Variants in RBP2 observed in about 807,000 individuals in gnomAD.
RBP2 encodes retinol-binding protein 2.
Under a neutral mutation model 17.0 loss-of-function variants are expected in RBP2, and 17 were observed. That is an observed-to-expected ratio of 1.00 (90% confidence interval 0.68 to 1.50). The LOEUF is 1.50. RBP2 is among the 40% of genes most tolerant of loss of function. RBP2 has a pLI of 0.00. For missense variants in RBP2, 158 were observed against 168.2 expected, an observed-to-expected ratio of 0.94 and a Z score of 0.33; for synonymous variants, 48 against 57.1, an observed-to-expected ratio of 0.84 and a Z score of 0.72.
At chr3:139,461,704 A>C (rs904897337) in intron 2 of RBP2, among the ~76,000 whole-genome samples, 2 of 152,192 alleles carry the variant, frequency 1.3e-5, no homozygotes. Flanking sequence ...TCTCCTAAAA[A>C]AAATCTGGCA....
At chr3:139,456,745 A>T (rs1932981927) in intron 2 of RBP2, among the ~76,000 whole-genome samples, 1 of 152,160 alleles carries the variant, frequency 6.6e-6, no homozygotes, top group African/African-American at 2.4e-5. Flanking sequence ...ATTTTTTTTA[A>T]CCATCTGCAT....
intron 2 of RBP2, among the ~76,000 whole-genome samples, chr3:139,457,173 GCA>G (rs1373269645): frequency 6.6e-6 from 1 of 152,218 alleles, no homozygotes; most frequent in Non-Finnish European, 1.5e-5. Context: ...ACCAGACTCA[GCA>G]CAGTGATCAG....
At chr3:139,464,316 G>A (rs989525749) in intron 1 of RBP2, among the ~76,000 whole-genome samples, 2 of 152,062 alleles carry the variant, frequency 1.3e-5, no homozygotes, top group Non-Finnish European at 1.5e-5. Context: ...AAAATTATTC[G>A]GGCATGATGG....
chr3:139,461,922 C>T (rs982871163), intron 2 of RBP2, among the ~76,000 whole-genome samples, 190 bp downstream of exon 2: 2 of 152,234 alleles, frequency 1.3e-5, no homozygotes, highest in Non-Finnish European at 2.9e-5. Flanking sequence ...AGCTCTTAAT[C>T]TCTCCTAGGC....
intron 2 of RBP2, among the ~76,000 whole-genome samples, chr3:139,460,161 GATT>G (rs1440263012): frequency 3.9e-5 from 6 of 152,334 alleles, no homozygotes; most frequent in Admixed American, 3.3e-4. Context: ...ATTTTGCACT[GATT>G]GGGTTGGAAC....
intron 1 of RBP2, among the ~76,000 whole-genome samples, chr3:139,465,575 G>T (rs901834078): frequency 2.6e-5 from 4 of 152,104 alleles, no homozygotes; most frequent in African/African-American, 9.7e-5. Context: ...CCAAGCTCTG[G>T]GGTAGCCCAG....
At position 139,453,108 on chromosome 3, in the gene RBP2, C is replaced by T. The variant is rs774834412; in HGVS notation, c.*8G>A. On this transcript the variant is annotated 3_prime_UTR_variant, in exon 4 of 4. Transcript: ENST00000232217. ...GAGCTTGTGCTTGGCAGGCCTCCCA[C>T]GTCGCCATCATTTCTTTTTGAACAC... 40 of 1,614,030 alleles carry T rather than the reference C, an allele frequency of 2.5e-5. No individual in the cohort carries two copies. In the South Asian group the frequency reaches 2.5e-4, roughly 10 times the overall value.
chr3:139,453,207 C>T (rs368873646), intron 3 of RBP2, 41 bp from the exon 4 acceptor site: 2 of 1,611,616 alleles, frequency 1.2e-6, no homozygotes, highest in African/African-American at 1.3e-5. Flanking sequence ...ACAAGCCAGG[C>T]CTTTCTTCTG....
intron 2 of RBP2, among the ~76,000 whole-genome samples, chr3:139,457,234 C>G (rs1933002592): frequency 6.6e-6 from 1 of 152,220 alleles, no homozygotes; most frequent in African/African-American, 2.4e-5. Context: ...TGAAGTAAAT[C>G]CATTTGCTTC....
intron 1 of RBP2, among the ~76,000 whole-genome samples, chr3:139,474,640 A>G (rs1275041808): frequency 6.6e-6 from 1 of 152,200 alleles, no homozygotes; most frequent in African/African-American, 2.4e-5. Context: ...ATCTGGAGGG[A>G]CAGGCAAGGC....
At chr3:139,454,659 A>AGGGC (rs2107864275) in intron 3 of RBP2, 70 bp downstream of exon 3, 1 of 1,476,722 alleles carries the variant, frequency 6.8e-7, no homozygotes, top group East Asian at 2.3e-5. Context: ...TTGTCAAAAC[A>AGGGC]CCTGGCTAGG....
chr3:139,453,667 G>A (rs892806028), intron 3 of RBP2, among the ~76,000 whole-genome samples: 7 of 152,304 alleles, frequency 4.6e-5, no homozygotes, highest in Admixed American at 3.3e-4. Context: ...CTGTGCAGCC[G>A]ACAAGGTCCC....
intron 1 of RBP2, among the ~76,000 whole-genome samples, chr3:139,474,958 C>A (rs1933685185): frequency 6.6e-6 from 1 of 152,014 alleles, no homozygotes. Context: ...CTCCTCCCAA[C>A]TATATTGAGG....
intron 1 of RBP2, among the ~76,000 whole-genome samples, chr3:139,472,630 G>A (rs1443836550): frequency 6.6e-6 from 1 of 152,212 alleles, no homozygotes; most frequent in Non-Finnish European, 1.5e-5. Context: ...ATGCATATGA[G>A]TAAGGAAGCC....
At chr3:139,456,258 G>GT (rs1415982386) in intron 2 of RBP2, among the ~76,000 whole-genome samples, 28 of 152,052 alleles carry the variant, frequency 1.8e-4, no homozygotes, top group Non-Finnish European at 3.1e-4. Context: ...CTGACCTGTG[G>GT]TTTTTTCCCC....
In RBP2 at chr3:139,453,062, C is replaced by A; in HGVS notation, c.*54G>T. ...ACAGCTGTTTCTCAAAGCCAGTAGA[C>A]CACTCAGTGTGGGCAGTGGGGAGCT... On this transcript the variant is annotated 3_prime_UTR_variant, in exon 4 of 4. Coordinates refer to ENST00000232217, the MANE Select transcript of RBP2 (RefSeq NM_004164.3). The A allele has an allele frequency of 1.2e-6, 2 of 1,604,122 alleles. No individual in the cohort carries two copies. Among genetic ancestry groups the A allele is most frequent in the Non-Finnish European group, 1.7e-6 (2 of 1,170,942 alleles).
At chr3:139,459,114 T>G (rs1421166280) in intron 2 of RBP2, among the ~76,000 whole-genome samples, 1 of 152,008 alleles carries the variant, frequency 6.6e-6, no homozygotes, top group East Asian at 1.9e-4. Flanking sequence ...CCAGAGGGCT[T>G]GTAAGGGTGA....
intron 1 of RBP2, among the ~76,000 whole-genome samples, chr3:139,475,487 A>G (rs1933708930): frequency 1.3e-5 from 2 of 152,246 alleles, no homozygotes; most frequent in South Asian, 4.2e-4. Flanking sequence ...GAGACCTCCC[A>G]CCATCATATC....
intron 2 of RBP2, among the ~76,000 whole-genome samples, chr3:139,459,401 T>TATATGTGTGTGTGTGC (rs66501718): frequency 2.1e-4 from 1 of 4,836 alleles, no homozygotes; most frequent in Non-Finnish European, 2.1e-3. Context: ...ACTATATATA[T>TATATGTGTGTGTGTGC]GTGTGTGTGT....
Sources: allele counts gnomAD v4.1 joint callset (sites outside exome capture counted in the v4.1 genomes callset), GRCh38; gene constraint gnomAD v4.1.1; transcripts MANE v1.5; gene names NCBI Gene and HGNC (gene_info 2026-07-23, HGNC 2026-07-21).